Variants in SDHC observed in about 807,000 individuals in gnomAD.
SDHC encodes the protein succinate dehydrogenase cytochrome b560 subunit, mitochondrial.
In SDHC, 11 loss-of-function variants were observed where a neutral mutation model predicts 22.6. The ratio of observed to expected loss-of-function variants is 0.49; its 90% confidence interval spans 0.31 to 0.81. The LOEUF (loss-of-function observed/expected upper bound fraction) is 0.81, where lower values mean the gene tolerates loss of function less well. Ranked by LOEUF, SDHC falls within the 30% of genes least tolerant of loss-of-function variation. SDHC has a pLI of 0.05. For synonymous variants in SDHC, 80 were observed against 77.8 expected (o/e 1.03, Z -0.15); for missense variants, 160 against 212.0 (o/e 0.75, Z 1.52).
chr1:161,351,370 G>A (rs1389280778), intron 4 of SDHC, among the ~76,000 whole-genome samples: 1 of 152,116 alleles, frequency 6.6e-6, no homozygotes, highest in Non-Finnish European at 1.5e-5. Flanking sequence ...GAGAGATCTT[G>A]TAGTTACTTT....
chr1:161,332,069 C>G (rs1040658226), intron 3 of SDHC, among the ~76,000 whole-genome samples: 1 of 151,986 alleles, frequency 6.6e-6, no homozygotes, highest in African/African-American at 2.4e-5. Flanking sequence ...CCTTGAACTC[C>G]TGGACTCAAG....
chr1:161,342,138 A>G (rs1339508876), intron 4 of SDHC, among the ~76,000 whole-genome samples: 2 of 152,242 alleles, frequency 1.3e-5, no homozygotes, highest in Non-Finnish European at 2.9e-5. Context: ...TTACTAGTTT[A>G]GCTGAAAGCT....
intron 4 of SDHC, among the ~76,000 whole-genome samples, chr1:161,342,746 C>CG (rs2102340514): frequency 1.3e-5 from 2 of 152,212 alleles, no homozygotes; most frequent in East Asian, 3.9e-4. Flanking sequence ...CTGCCCGCCT[C>CG]GGCCTCCCAA....
At chr1:161,353,664 A>C (rs1571885965) in intron 4 of SDHC, among the ~76,000 whole-genome samples, 1 of 152,136 alleles carries the variant, frequency 6.6e-6, no homozygotes, top group South Asian at 2.1e-4. Context: ...TTTCTTAGCC[A>C]TTGAGTAGAC....
rs375035694 is a variant in SDHC at position 161,348,715 on chromosome 1, A to G, written c.242-7962A>G. 6.0e-5 allele frequency among the ~76,000 whole-genome samples: 9 copies of G among 150,218 alleles called. No homozygotes were observed. In the East Asian group the frequency reaches 1.6e-3, roughly 26 times the overall value. ...AGCCAGTTGTGGGTGGCGCATGGCT[A>G]TAATCCCAGTTACTTGGGAGACTGA... On this transcript the variant is annotated intron_variant, in intron 4 of 5. Transcript: ENST00000367975.
At chr1:161,337,716 C>T (rs2102328543) in intron 3 of SDHC, among the ~76,000 whole-genome samples, 1 of 152,304 alleles carries the variant, frequency 6.6e-6, no homozygotes, top group East Asian at 1.9e-4. Flanking sequence ...CATATTACAT[C>T]ACTCCCATTT....
intron 3 of SDHC, chr1:161,339,653 G>A: frequency 6.2e-6 from 1 of 160,780 alleles, no homozygotes; most frequent in South Asian, 5.1e-5. Flanking sequence ...ACCTAATCCT[G>A]ATACAGGTGT....
intron 3 of SDHC, among the ~76,000 whole-genome samples, chr1:161,335,332 T>C (rs1671434768): frequency 6.6e-6 from 1 of 152,220 alleles, no homozygotes; most frequent in Non-Finnish European, 1.5e-5. Flanking sequence ...TTGTATTAAT[T>C]AATACATATT....
At chr1:161,349,923 T>G (rs548928812) in intron 4 of SDHC, among the ~76,000 whole-genome samples, 1 of 152,176 alleles carries the variant, frequency 6.6e-6, no homozygotes, top group Non-Finnish European at 1.5e-5. Flanking sequence ...TAAAAAAATT[T>G]TTTTGAGACC....
At chr1:161,326,228 T>C (rs577762760) in intron 2 of SDHC, among the ~76,000 whole-genome samples, 17 of 151,732 alleles carry the variant, frequency 1.1e-4, no homozygotes, top group Admixed American at 3.3e-4. Context: ...AGCAGAGTTA[T>C]CGTCTGATAT....
chr1:161,353,868 A>T (rs1161691592), intron 4 of SDHC, among the ~76,000 whole-genome samples: 1 of 152,132 alleles, frequency 6.6e-6, no homozygotes, highest in East Asian at 1.9e-4. Flanking sequence ...GAAAGAAAAA[A>T]ATATTTTTAT....
intron 4 of SDHC, among the ~76,000 whole-genome samples, chr1:161,350,677 G>A (rs1571882708): frequency 6.6e-6 from 1 of 152,324 alleles, no homozygotes; most frequent in East Asian, 1.9e-4. Flanking sequence ...TCAGTTGGTA[G>A]TATTATATTC....
At chr1:161,356,284 A>G (rs905852721) in intron 4 of SDHC, among the ~76,000 whole-genome samples, 1 of 152,044 alleles carries the variant, frequency 6.6e-6, no homozygotes, top group Non-Finnish European at 1.5e-5. Flanking sequence ...CACACCTGTA[A>G]TCTCAGCACT....
chr1:161,316,123 G>A (rs939996406), intron 1 of SDHC, among the ~76,000 whole-genome samples: 2 of 152,026 alleles, frequency 1.3e-5, no homozygotes, highest in Non-Finnish European at 2.9e-5. Context: ...GTTTTACACC[G>A]AGACATTCCA....
chr1:161,328,332 G>A (rs1240661406), intron 2 of SDHC, 64 bp from the exon 3 acceptor site: 9 of 1,302,252 alleles, frequency 6.9e-6, no homozygotes, highest in East Asian at 4.6e-5. Flanking sequence ...TTAATAAAAC[G>A]TTATGCAAAA....
At chr1:161,314,645 G>C in intron 1 of SDHC, 1 of 603,260 alleles carries the variant, frequency 1.7e-6, no homozygotes, top group South Asian at 2.0e-5. Flanking sequence ...TTCGTATCGA[G>C]GGGCCCTCGG....
intron 2 of SDHC, among the ~76,000 whole-genome samples, chr1:161,325,796 C>T (rs1671025898): frequency 6.6e-6 from 1 of 152,090 alleles, no homozygotes; most frequent in Non-Finnish European, 1.5e-5. Flanking sequence ...AAACTGTGGC[C>T]CTGGAAAAGC....
intron 3 of SDHC, among the ~76,000 whole-genome samples, chr1:161,329,394 C>T (rs527931100): frequency 1.2e-4 from 18 of 152,140 alleles, no homozygotes; most frequent in South Asian, 8.3e-4. Context: ...TGCAGTGGTG[C>T]GATCTAGGCC....
chr1:161,361,966 G>C (rs1356257776), intron 5 of SDHC, among the ~76,000 whole-genome samples: 2 of 150,698 alleles, frequency 1.3e-5, no homozygotes, highest in Non-Finnish European at 2.9e-5. Context: ...CTGAGAGCAA[G>C]TGTTTGGAAG....
Sources: allele counts gnomAD v4.1 joint callset (sites outside exome capture counted in the v4.1 genomes callset), GRCh38; gene constraint gnomAD v4.1.1; transcripts MANE v1.5; gene names NCBI Gene and HGNC (gene_info 2026-07-23, HGNC 2026-07-21).